Variants in SYCP1 observed in about 807,000 individuals in gnomAD.
The protein encoded by SYCP1 is cancer/testis antigen 8.
Under a neutral mutation model 153.1 loss-of-function variants are expected in SYCP1, and 64 were observed. That is an observed-to-expected ratio of 0.42 (90% confidence interval 0.34 to 0.51). The LOEUF is 0.51. Among genes scored for constraint, SYCP1 ranks in the 20% least tolerant of loss-of-function variants. The pLI, the probability that SYCP1 is intolerant of heterozygous loss-of-function variation, is 0.06. For synonymous variants in SYCP1, 384 were observed against 341.8 expected, an observed-to-expected ratio of 1.12 and a Z score of -1.36; for missense variants, 997 against 1,049.0, an observed-to-expected ratio of 0.95 and a Z score of 0.68.
At chr1:114,981,795 A>G (rs1386122021) in intron 29 of SYCP1, among the ~76,000 whole-genome samples, 1 of 151,754 alleles carries the variant, frequency 6.6e-6, no homozygotes, top group Non-Finnish European at 1.5e-5. Flanking sequence ...AAATTGTTTC[A>G]TTTTTTTCGA....
chr1:114,974,802 A>C (rs1672709528), intron 27 of SYCP1, among the ~76,000 whole-genome samples: 1 of 151,842 alleles, frequency 6.6e-6, no homozygotes, highest in Admixed American at 6.6e-5. Context: ...GTGAGTGTGC[A>C]ACTATCTCTT....
At chr1:114,970,129 T>A (rs1230198669) in intron 27 of SYCP1, among the ~76,000 whole-genome samples, 1 of 152,196 alleles carries the variant, frequency 6.6e-6, no homozygotes, top group African/African-American at 2.4e-5. Context: ...TTTCTTTGTC[T>A]TTGTTGGATT....
Position 114,911,525 on chromosome 1 carries a change from G to A in SYCP1, c.1472G>A (p.Ser491Asn). The A allele has an allele frequency of 1.4e-5, 22 of 1,561,234 alleles. No individual in the cohort carries two copies. Among genetic ancestry groups the A allele is most frequent in the Non-Finnish European group, 1.9e-5 (22 of 1,158,548 alleles). ...LEIQLTAITT[S>N]EQYYSKEVKD... ...ATACAGTTAACTGCCATTACCACAAGTGAACAGTATTATTCAAAAGAGGTT... is the reference window on the plus strand; with the variant it reads ...ATACAGTTAACTGCCATTACCACAAATGAACAGTATTATTCAAAAGAGGTT... Residue 491 changes from serine (S) to asparagine (N), a missense_variant, in exon 18 of 32, where the codon AGT becomes AAT. This residue lies in a region of SYCP1 where 712 missense variants were observed against 682.9 expected (regional missense o/e 1.04). Transcript: ENST00000369522.
intron 16 of SYCP1, among the ~76,000 whole-genome samples, chr1:114,902,954 C>T (rs780576320): frequency 1.4e-4 from 21 of 151,976 alleles, no homozygotes; most frequent in Non-Finnish European, 2.4e-4. Context: ...CTGAGGTGAG[C>T]GGATCACTTG....
At chr1:114,885,909 G>T (rs1299739548) in intron 13 of SYCP1, among the ~76,000 whole-genome samples, 1 of 152,162 alleles carries the variant, frequency 6.6e-6, no homozygotes, top group African/African-American at 2.4e-5. Flanking sequence ...GGTTTGGCTA[G>T]GAAGGCTCCA....
At chr1:114,912,082 A>C (rs1557793492) in intron 18 of SYCP1, among the ~76,000 whole-genome samples, 1 of 151,974 alleles carries the variant, frequency 6.6e-6, no homozygotes, top group Non-Finnish European at 1.5e-5. Context: ...GGTGGTGAGC[A>C]TGATTTTCCC....
At chr1:114,862,152 A>G (rs1305356169) in intron 8 of SYCP1, among the ~76,000 whole-genome samples, 1 of 151,822 alleles carries the variant, frequency 6.6e-6, no homozygotes, top group African/African-American at 2.4e-5. Context: ...TCAAAACTCT[A>G]TGTATCTTCC....
intron 10 of SYCP1, 55 bp from the exon 11 acceptor site, chr1:114,876,682 G>T: frequency 5.3e-6 from 5 of 939,290 alleles, no homozygotes; most frequent in South Asian, 2.8e-5. Flanking sequence ...GTTTGTAATA[G>T]AAATGTTATA....
At chr1:114,878,731 C>T (rs1466236818) in intron 12 of SYCP1, among the ~76,000 whole-genome samples, 2 of 152,076 alleles carry the variant, frequency 1.3e-5, no homozygotes, top group Non-Finnish European at 2.9e-5. Flanking sequence ...TTCCTAGAGA[C>T]GGGTTTTCGC....
In SYCP1 at chr1:114,919,559, A is replaced by T. The variant is rs868827216; in HGVS notation, c.1719-3890A>T. On this transcript the variant is annotated intron_variant, in intron 20 of 31. Coordinates refer to ENST00000369522, the MANE Select transcript of SYCP1 (RefSeq NM_003176.4). ...ATTCCCTCCTCCTTTATTTTTTGGA[A>T]TAGTTTCTGTAGGATTGATATTAAT... Among the ~76,000 whole-genome samples, 6 of 152,088 alleles carry T rather than the reference A, an allele frequency of 3.9e-5. No individual in the cohort carries two copies. In the South Asian group the frequency reaches 6.2e-4, roughly 16 times the overall value.
intron 8 of SYCP1, among the ~76,000 whole-genome samples, chr1:114,872,551 G>T (rs1047248693): frequency 6.6e-5 from 10 of 152,198 alleles, no homozygotes; most frequent in Admixed American, 4.6e-4. Context: ...GAGCTTTCTG[G>T]ATCTGTGACT....
intron 13 of SYCP1, among the ~76,000 whole-genome samples, 187 bp from the exon 14 acceptor site, chr1:114,885,938 A>G (rs1364816120): frequency 6.6e-6 from 1 of 152,102 alleles, no homozygotes; most frequent in African/African-American, 2.4e-5. Context: ...CTGGAACTAT[A>G]GGTGGGATTT....
intron 16 of SYCP1, among the ~76,000 whole-genome samples, chr1:114,900,973 T>C (rs190802553): frequency 9.2e-5 from 14 of 152,340 alleles, no homozygotes; most frequent in African/African-American, 3.4e-4. Flanking sequence ...ATTAAAGTTA[T>C]ATGAACTGAA....
intron 27 of SYCP1, among the ~76,000 whole-genome samples, chr1:114,974,301 G>A (rs1672677008): frequency 6.6e-6 from 1 of 151,848 alleles, no homozygotes; most frequent in Admixed American, 6.6e-5. Context: ...GCACTTTTAT[G>A]TTGATATGCA....
At chr1:114,963,764 A>G (rs190705408) in intron 27 of SYCP1, among the ~76,000 whole-genome samples, 2 of 152,286 alleles carry the variant, frequency 1.3e-5, no homozygotes, top group African/African-American at 4.8e-5. Context: ...TTCTTTATCC[A>G]GTCTATCATT....
At chr1:114,856,453 A>G (rs1663945280) in intron 2 of SYCP1, 120 bp from the exon 3 acceptor site, 2 of 582,150 alleles carry the variant, frequency 3.4e-6, no homozygotes, top group Non-Finnish European at 5.7e-6. Flanking sequence ...ATGTACATTA[A>G]AGGATTTGCA....
chr1:114,991,502 A>G (rs1673918237), intron 30 of SYCP1, among the ~76,000 whole-genome samples: 1 of 151,920 alleles, frequency 6.6e-6, no homozygotes, highest in African/African-American at 2.4e-5. Context: ...GGTTCAACAT[A>G]AGAAAATAAA....
At chr1:114,907,294 C>T (rs1053117485) in intron 16 of SYCP1, among the ~76,000 whole-genome samples, 1 of 152,060 alleles carries the variant, frequency 6.6e-6, no homozygotes, top group Non-Finnish European at 1.5e-5. Context: ...AGAATTTAGA[C>T]CATTGATATC....
At chr1:114,942,062 A>C (rs1241505633) in intron 23 of SYCP1, among the ~76,000 whole-genome samples, 1 of 152,114 alleles carries the variant, frequency 6.6e-6, no homozygotes. Context: ...AGAGAAATTT[A>C]TACCAAGCAA....
Sources: allele counts gnomAD v4.1 joint callset (sites outside exome capture counted in the v4.1 genomes callset), GRCh38; gene constraint gnomAD v4.1.1; regional missense constraint gnomAD v4.1.1; transcripts MANE v1.5; gene names NCBI Gene and HGNC (gene_info 2026-07-23, HGNC 2026-07-21).